EYA4: variants seen among roughly 807,000 people sequenced by gnomAD.
EYA4 encodes the protein protein phosphatase EYA4.
A neutral mutation model predicts 87.9 loss-of-function variants in EYA4; 31 were observed. The observed-to-expected ratio is 0.35, with a 90% CI of 0.27 to 0.48. EYA4 has a LOEUF of 0.48. Ranked by LOEUF, EYA4 falls within the 20% of genes least tolerant of loss-of-function variation. The pLI is 0.99. For missense variants in EYA4, 678 were observed against 761.4 expected, an observed-to-expected ratio of 0.89 and a Z score of 1.29; for synonymous variants, 263 against 270.6, an observed-to-expected ratio of 0.97 and a Z score of 0.28.
chr6:133,368,811 A>G (rs539547527), intron 2 of EYA4, among the ~76,000 whole-genome samples: 1 of 152,342 alleles, frequency 6.6e-6, no homozygotes, highest in South Asian at 2.1e-4. Context: ...AGCTGACACT[A>G]GTAGGGAGAC....
intron 2 of EYA4, among the ~76,000 whole-genome samples, chr6:133,313,355 G>A (rs1347878020): frequency 1.3e-5 from 2 of 152,170 alleles, no homozygotes; most frequent in African/African-American, 2.4e-5. Context: ...GAGAAAGTTA[G>A]AATAGAGGTG....
chr6:133,345,825 AT>A (rs1250748610), intron 2 of EYA4, among the ~76,000 whole-genome samples: 2 of 152,220 alleles, frequency 1.3e-5, no homozygotes, highest in African/African-American at 4.8e-5. Context: ...CTTATAATAC[AT>A]TTTGAGGCAT....
chr6:133,407,251 GTT>G (rs55910301), intron 3 of EYA4, among the ~76,000 whole-genome samples: 76,544 of 130,784 alleles, frequency 0.59, 22,533 homozygotes, highest in Non-Finnish European at 0.69. Context: ...GGAGTCTAGG[GTT>G]TTTTTTTTTT....
At chr6:133,436,072 A>T (rs769704052) in intron 3 of EYA4, among the ~76,000 whole-genome samples, 1 of 152,132 alleles carries the variant, frequency 6.6e-6, no homozygotes, top group African/African-American at 2.4e-5. Flanking sequence ...TACAAAAATT[A>T]GCCAGGCGTG....
chr6:133,337,677 T>C (rs1050146506), intron 2 of EYA4, among the ~76,000 whole-genome samples: 1 of 152,204 alleles, frequency 6.6e-6, no homozygotes, highest in Non-Finnish European at 1.5e-5. Context: ...ACATCTCTAA[T>C]TGCTCTCACT....
chr6:133,459,927 A>G (rs1264571398), intron 6 of EYA4, among the ~76,000 whole-genome samples: 1 of 152,120 alleles, frequency 6.6e-6, no homozygotes, highest in African/African-American at 2.4e-5. Flanking sequence ...TATGAAAATG[A>G]AAATATTCTT....
intron 3 of EYA4, among the ~76,000 whole-genome samples, chr6:133,388,691 T>C (rs925607818): frequency 3.3e-5 from 5 of 152,140 alleles, no homozygotes; most frequent in African/African-American, 1.2e-4. Context: ...TGTGTTTAAA[T>C]TGAAGAAGAC....
chr6:133,469,063 A>G (rs1488982821), intron 11 of EYA4, among the ~76,000 whole-genome samples: 3 of 152,034 alleles, frequency 2.0e-5, no homozygotes. Context: ...TTTTGTGCTA[A>G]AGAGACTGCA....
At chr6:133,344,577 GCAGAAAACT>G (rs1783055632) in intron 2 of EYA4, among the ~76,000 whole-genome samples, 1 of 151,986 alleles carries the variant, frequency 6.6e-6, no homozygotes, top group African/African-American at 2.4e-5. Flanking sequence ...ACCAATTAAG[GCAGAAAACT>G]ACCCTTAGAC....
At chr6:133,491,189 C>T (rs1391904139) in intron 13 of EYA4, among the ~76,000 whole-genome samples, 1 of 151,834 alleles carries the variant, frequency 6.6e-6, no homozygotes, top group Non-Finnish European at 1.5e-5. Flanking sequence ...ATACTAAACC[C>T]TATGGAATAC....
At chr6:133,466,949 A>G (rs1794904991) in intron 10 of EYA4, among the ~76,000 whole-genome samples, 2 of 152,086 alleles carry the variant, frequency 1.3e-5, no homozygotes, top group Non-Finnish European at 2.9e-5. Flanking sequence ...AGAAAATTAC[A>G]TCATTTAATT....
At chr6:133,338,510 G>T (rs1782542709) in intron 2 of EYA4, among the ~76,000 whole-genome samples, 1 of 152,082 alleles carries the variant, frequency 6.6e-6, no homozygotes, top group Non-Finnish European at 1.5e-5. Context: ...TATTTATAGT[G>T]ATAACAATTC....
chr6:133,517,654 G>A (rs181556719), intron 17 of EYA4, among the ~76,000 whole-genome samples: 2 of 152,306 alleles, frequency 1.3e-5, no homozygotes, highest in African/African-American at 2.4e-5. Context: ...CAAATGGAGA[G>A]CGGAGGGGAA....
At chr6:133,282,464 TGA>T (rs1171490782) in intron 2 of EYA4, among the ~76,000 whole-genome samples, 1 of 152,210 alleles carries the variant, frequency 6.6e-6, no homozygotes, top group Non-Finnish European at 1.5e-5. Context: ...TATTTTTGTG[TGA>T]GTTTATGAAG....
chr6:133,483,262 T>C (rs1245429117), intron 13 of EYA4, 147 bp downstream of exon 13: 8 of 631,258 alleles, frequency 1.3e-5, no homozygotes, highest in Admixed American at 6.0e-5. Context: ...TAGTGTCTTA[T>C]AGTTCTTTAA....
At chr6:133,282,075 T>C (rs1471270828) in intron 2 of EYA4, among the ~76,000 whole-genome samples, 1 of 152,138 alleles carries the variant, frequency 6.6e-6, no homozygotes, top group African/African-American at 2.4e-5. Context: ...GTCTTTCTGA[T>C]AGAATGGTTT....
chr6:133,308,250 C>T (rs2128326597), intron 2 of EYA4, among the ~76,000 whole-genome samples: 1 of 152,202 alleles, frequency 6.6e-6, no homozygotes, highest in South Asian at 2.1e-4. Context: ...ACTTTCATGG[C>T]AATGCAGGCA....
intron 3 of EYA4, among the ~76,000 whole-genome samples, chr6:133,383,517 CAAAAAAAAAAAAAA>C (rs768724484): frequency 8.8e-5 from 4 of 45,242 alleles, no homozygotes; most frequent in East Asian, 1.9e-3. Flanking sequence ...GACTCCATCT[CAAAAAAAAAAAAAA>C]AAAAAAAAAA....
At chr6:133,525,902 A>C (rs911745594) in intron 19 of EYA4, 7 of 985,332 alleles carry the variant, frequency 7.1e-6, no homozygotes, top group Non-Finnish European at 8.4e-6. Flanking sequence ...CTTAGCCGTA[A>C]TGTGCCTCAC....
Sources: allele counts gnomAD v4.1 joint callset (sites outside exome capture counted in the v4.1 genomes callset), GRCh38; gene constraint gnomAD v4.1.1; transcripts MANE v1.5; gene names NCBI Gene and HGNC (gene_info 2026-07-23, HGNC 2026-07-21).